NOS1AP: variants seen among roughly 807,000 people sequenced by gnomAD.
NOS1AP encodes the protein carboxyl-terminal PDZ ligand of neuronal nitric oxide synthase protein.
In NOS1AP, 21 loss-of-function variants were observed where a neutral mutation model predicts 56.2. The ratio of observed to expected loss-of-function variants is 0.37; its 90% CI spans 0.26 to 0.54. The LOEUF (loss-of-function observed/expected upper bound fraction) is 0.54, where lower values mean the gene tolerates loss of function less well. NOS1AP is among the 20% of genes least tolerant of loss of function. The pLI is 0.84. For synonymous variants in NOS1AP, 270 were observed against 274.6 expected (o/e 0.98, Z 0.17); for missense variants, 522 against 657.8 (o/e 0.79, Z 2.26).
intron 2 of NOS1AP, among the ~76,000 whole-genome samples, chr1:162,156,035 C>T (rs1294877716): frequency 4.6e-5 from 7 of 152,272 alleles, no homozygotes; most frequent in African/African-American, 1.4e-4. Context: ...ATGACAGCAA[C>T]GTTGGGAAGA....
intron 4 of NOS1AP, among the ~76,000 whole-genome samples, chr1:162,301,700 C>T (rs145152289): frequency 3.3e-4 from 51 of 152,290 alleles, no homozygotes; most frequent in Admixed American, 1.2e-3. Context: ...TCCTGGATCT[C>T]GGCAGACTAA....
intron 2 of NOS1AP, among the ~76,000 whole-genome samples, chr1:162,162,524 C>T (rs1213520502): frequency 6.6e-6 from 1 of 152,204 alleles, no homozygotes; most frequent in African/African-American, 2.4e-5. Flanking sequence ...TGTCAAATTT[C>T]TGAGTATCAC....
chr1:162,258,796 A>C (rs1403297198), intron 2 of NOS1AP, among the ~76,000 whole-genome samples: 1 of 152,208 alleles, frequency 6.6e-6, no homozygotes, highest in Non-Finnish European at 1.5e-5. Flanking sequence ...GGATAAGTAC[A>C]TGGGTCTTTC....
chr1:162,262,895 T>A (rs1454072904), intron 2 of NOS1AP, among the ~76,000 whole-genome samples: 3 of 152,242 alleles, frequency 2.0e-5, no homozygotes, highest in Non-Finnish European at 4.4e-5. Flanking sequence ...TCAAAAGAAT[T>A]GCTTAGTTGC....
chr1:162,303,531 T>G (rs964594140), intron 4 of NOS1AP, among the ~76,000 whole-genome samples: 1 of 152,172 alleles, frequency 6.6e-6, no homozygotes, highest in African/African-American at 2.4e-5. Context: ...AGCCTCAACC[T>G]TCTGGGCTCG....
chr1:162,353,329 C>T (rs900459168), intron 6 of NOS1AP, among the ~76,000 whole-genome samples: 2 of 152,154 alleles, frequency 1.3e-5, no homozygotes, highest in African/African-American at 2.4e-5. Flanking sequence ...CCTGACATGC[C>T]GTGGACTTCC....
At chr1:162,362,444 C>CAAAAAAAAAAAAAAAAAAAA (rs11314295) in intron 8 of NOS1AP, among the ~76,000 whole-genome samples, 1 of 134,356 alleles carries the variant, frequency 7.4e-6, no homozygotes, top group Non-Finnish European at 1.6e-5. Flanking sequence ...GAGTGAGTCT[C>CAAAAAAAAAAAAAAAAAAAA]AAAAAAAAAA....
At chr1:162,286,606 C>T (rs1385036022) in intron 2 of NOS1AP, among the ~76,000 whole-genome samples, 2 of 152,186 alleles carry the variant, frequency 1.3e-5, no homozygotes, top group Admixed American at 6.5e-5. Context: ...TTGAGGATGA[C>T]GCCAACATCC....
At chr1:162,213,257 A>G (rs1314583914) in intron 2 of NOS1AP, among the ~76,000 whole-genome samples, 1 of 152,212 alleles carries the variant, frequency 6.6e-6, no homozygotes, top group Non-Finnish European at 1.5e-5. Flanking sequence ...CTCATCCACA[A>G]CATTAGCTGT....
At chr1:162,134,461 G>A (rs1296324796) in intron 1 of NOS1AP, among the ~76,000 whole-genome samples, 3 of 147,526 alleles carry the variant, frequency 2.0e-5, no homozygotes, top group Admixed American at 1.4e-4. Context: ...ACTCCAGCCT[G>A]GAGTGACAGA....
At chr1:162,340,007 A>G (rs1312154454) in intron 5 of NOS1AP, among the ~76,000 whole-genome samples, 1 of 152,238 alleles carries the variant, frequency 6.6e-6, no homozygotes, top group East Asian at 1.9e-4. Flanking sequence ...TTATGAGTAC[A>G]GTGAGGAGCT....
chr1:162,264,594 C>T (rs143613717), intron 2 of NOS1AP, among the ~76,000 whole-genome samples: 450 of 151,044 alleles, frequency 3.0e-3, no homozygotes, highest in Non-Finnish European at 5.7e-3. Flanking sequence ...GCAACCTCCA[C>T]CTCCTATGTT....
intron 6 of NOS1AP, among the ~76,000 whole-genome samples, chr1:162,350,947 C>T (rs993850710): frequency 1.3e-5 from 2 of 152,174 alleles, no homozygotes; most frequent in African/African-American, 4.8e-5. Flanking sequence ...GACATGACAC[C>T]GCAAGTGGAA....
chr1:162,174,080 A>G (rs1025131541), intron 2 of NOS1AP, among the ~76,000 whole-genome samples: 2 of 152,164 alleles, frequency 1.3e-5, no homozygotes, highest in Non-Finnish European at 2.9e-5. Context: ...AAGGATTATA[A>G]ATCATGCTGC....
intron 1 of NOS1AP, among the ~76,000 whole-genome samples, chr1:162,138,727 AAGAG>A (rs1395831768): frequency 6.6e-6 from 1 of 152,138 alleles, no homozygotes; most frequent in African/African-American, 2.4e-5. Flanking sequence ...GCCCTTCTCT[AAGAG>A]AGGTCATGTG....
chr1:162,107,362 G>T (rs1169637110), intron 1 of NOS1AP, among the ~76,000 whole-genome samples: 1 of 152,160 alleles, frequency 6.6e-6, no homozygotes, highest in East Asian at 1.9e-4. Context: ...TAGAGACAGG[G>T]TCTTCCTCTG....
At chr1:162,204,230 CT>C (rs1326378457) in intron 2 of NOS1AP, among the ~76,000 whole-genome samples, 1 of 152,238 alleles carries the variant, frequency 6.6e-6, no homozygotes, top group Non-Finnish European at 1.5e-5. Context: ...CTCTGCTGCC[CT>C]ACATTACAGC....
intron 6 of NOS1AP, among the ~76,000 whole-genome samples, chr1:162,346,141 C>G (rs1245930538): frequency 6.6e-6 from 1 of 152,204 alleles, no homozygotes; most frequent in African/African-American, 2.4e-5. Context: ...TTTGAAAATT[C>G]ATATGCCTTT....
chr1:162,253,885 T>C (rs913800991), intron 2 of NOS1AP, among the ~76,000 whole-genome samples: 6 of 152,116 alleles, frequency 3.9e-5, no homozygotes, highest in Non-Finnish European at 5.9e-5. Flanking sequence ...ATCCAGAAAA[T>C]AAGAAGCAGG....
Sources: allele counts gnomAD v4.1 joint callset (sites outside exome capture counted in the v4.1 genomes callset), GRCh38; gene constraint gnomAD v4.1.1; transcripts MANE v1.5; gene names NCBI Gene and HGNC (gene_info 2026-07-23, HGNC 2026-07-21).